NKAIN2: variants seen among roughly 807,000 people sequenced by gnomAD.
NKAIN2 encodes the protein sodium/potassium transporting ATPase interacting 2.
NKAIN2 carries 14 observed loss-of-function variants against 32.6 expected under a neutral mutation model. That is an observed-to-expected ratio of 0.43 (90% CI 0.28 to 0.67). The LOEUF is 0.67. NKAIN2 is among the 30% of genes least tolerant of loss of function. The pLI, the probability that NKAIN2 is intolerant of heterozygous loss-of-function variation, is 0.17. For missense variants in NKAIN2, 198 were observed against 258.3 expected, an observed-to-expected ratio of 0.77 and a Z score of 1.60; for synonymous variants, 80 against 87.2, an observed-to-expected ratio of 0.92 and a Z score of 0.46.
At chr6:123,827,893 C>CTA (rs1336644785) in intron 1 of NKAIN2, among the ~76,000 whole-genome samples, 131 of 151,050 alleles carry the variant, frequency 8.7e-4, no homozygotes, top group African/African-American at 2.3e-3. Context: ...CTCTCTCTCT[C>CTA]TCTATATATA....
intron 3 of NKAIN2, among the ~76,000 whole-genome samples, chr6:124,502,092 A>G (rs1047792813): frequency 6.6e-6 from 1 of 152,094 alleles, no homozygotes; most frequent in African/African-American, 2.4e-5. Flanking sequence ...TGACAGAGCA[A>G]GACTGTCTCA....
chr6:123,872,533 C>T (rs1304439956), intron 1 of NKAIN2, among the ~76,000 whole-genome samples: 3 of 152,190 alleles, frequency 2.0e-5, no homozygotes, highest in Non-Finnish European at 4.4e-5. Context: ...ACAGCAGGTA[C>T]TGGTGTTCAT....
At chr6:124,685,646 T>C (rs1196209901) in intron 4 of NKAIN2, among the ~76,000 whole-genome samples, 3 of 152,148 alleles carry the variant, frequency 2.0e-5, no homozygotes, top group Non-Finnish European at 4.4e-5. Flanking sequence ...TAAGAACCCT[T>C]CATCTAGATC....
chr6:124,708,429 G>A (rs1456043345), intron 4 of NKAIN2, among the ~76,000 whole-genome samples: 1 of 151,824 alleles, frequency 6.6e-6, no homozygotes, highest in Non-Finnish European at 1.5e-5. Flanking sequence ...AAATTACCTT[G>A]GGCAGTATGG....
At chr6:124,218,068 G>A (rs1791582794) in intron 1 of NKAIN2, among the ~76,000 whole-genome samples, 1 of 151,716 alleles carries the variant, frequency 6.6e-6, no homozygotes, top group Non-Finnish European at 1.5e-5. Context: ...CTAGTAAAAG[G>A]CCGTATGGCA....
At chr6:124,007,747 A>G (rs931360988) in intron 1 of NKAIN2, among the ~76,000 whole-genome samples, 8 of 152,200 alleles carry the variant, frequency 5.3e-5, no homozygotes, top group African/African-American at 1.9e-4. Context: ...TGATTTCGCC[A>G]ATAAAATATG....
At chr6:124,189,751 C>T (rs1442716776) in intron 1 of NKAIN2, among the ~76,000 whole-genome samples, 1 of 152,068 alleles carries the variant, frequency 6.6e-6, no homozygotes, top group African/African-American at 2.4e-5. Context: ...TTAATAATGG[C>T]ACAATGCCAG....
chr6:124,654,161 T>C (rs1339886807), intron 3 of NKAIN2, among the ~76,000 whole-genome samples: 2 of 152,068 alleles, frequency 1.3e-5, no homozygotes, highest in Non-Finnish European at 2.9e-5. Flanking sequence ...AAAACAAAAG[T>C]AAATACTTAA....
chr6:124,471,970 T>C (rs1776993073), intron 3 of NKAIN2, among the ~76,000 whole-genome samples: 1 of 151,220 alleles, frequency 6.6e-6, no homozygotes, highest in African/African-American at 2.4e-5. Flanking sequence ...AATGAGCAAA[T>C]AGTTATTAAA....
At chr6:123,868,991 G>T (rs184368474) in intron 1 of NKAIN2, among the ~76,000 whole-genome samples, 25 of 152,272 alleles carry the variant, frequency 1.6e-4, no homozygotes, top group African/African-American at 5.5e-4. Context: ...GAATTTTCAT[G>T]TCCCAAATAA....
chr6:124,336,499 A>T (rs1314071482), intron 2 of NKAIN2, among the ~76,000 whole-genome samples: 2 of 152,160 alleles, frequency 1.3e-5, no homozygotes, highest in Non-Finnish European at 2.9e-5. Flanking sequence ...TTTGAAAGAA[A>T]ATCCCAGAAG....
At chr6:124,729,905 T>C (rs1252302254) in intron 4 of NKAIN2, among the ~76,000 whole-genome samples, 1 of 150,868 alleles carries the variant, frequency 6.6e-6, no homozygotes, top group Non-Finnish European at 1.5e-5. Context: ...AGCATTCTTA[T>C]ACACCAGCAA....
intron 1 of NKAIN2, among the ~76,000 whole-genome samples, chr6:124,192,403 A>G (rs1562413225): frequency 6.6e-6 from 1 of 152,184 alleles, no homozygotes; most frequent in Non-Finnish European, 1.5e-5. Context: ...GTTTTTCTAA[A>G]TACTTTACTG....
rs534308274 is a variant in NKAIN2 at position 124,410,725 on chromosome 6, A to G, written c.273+55378A>G. On this transcript the variant is annotated intron_variant, in intron 3 of 6. Coordinates refer to ENST00000368417, the MANE Select transcript of NKAIN2 (RefSeq NM_001040214.3). Reference sequence around the variant, plus strand: ...TGTCTATTAGGTCCGCTTGGTGCAGAGCTGAGTTCAATTCCTGGATATCCT... The same window carrying G: ...TGTCTATTAGGTCCGCTTGGTGCAGGGCTGAGTTCAATTCCTGGATATCCT... Among the ~76,000 whole-genome samples, 54 of 152,246 alleles carry G rather than the reference A, an allele frequency of 3.5e-4. 2 individuals are homozygous for G. The highest frequency in any genetic ancestry group is 3.4e-3 in the Middle Eastern group (1 of 294).
intron 2 of NKAIN2, among the ~76,000 whole-genome samples, chr6:124,316,021 A>G (rs1796935103): frequency 6.6e-6 from 1 of 152,114 alleles, no homozygotes; most frequent in Non-Finnish European, 1.5e-5. Context: ...GATTTGGTTC[A>G]TGAGTAAAAA....
At chr6:124,509,476 G>T (rs1356915458) in intron 3 of NKAIN2, among the ~76,000 whole-genome samples, 1 of 152,198 alleles carries the variant, frequency 6.6e-6, no homozygotes, top group Non-Finnish European at 1.5e-5. Context: ...TTGGGCTAAT[G>T]TAAATTATTT....
intron 3 of NKAIN2, among the ~76,000 whole-genome samples, chr6:124,643,287 A>C (rs699384): frequency 0.012 from 1,777 of 152,064 alleles, 17 homozygotes; most frequent in Middle Eastern, 0.037. Flanking sequence ...ATCCCATCTC[A>C]TAAGTATAAG....
intron 2 of NKAIN2, among the ~76,000 whole-genome samples, chr6:124,337,483 G>T (rs1045229627): frequency 3.2e-4 from 48 of 152,202 alleles, no homozygotes; most frequent in African/African-American, 1.1e-3. Flanking sequence ...CTCCAGCCTG[G>T]GTAAGGGAGT....
At chr6:124,203,322 C>T (rs1582841267) in intron 1 of NKAIN2, among the ~76,000 whole-genome samples, 1 of 151,644 alleles carries the variant, frequency 6.6e-6, no homozygotes, top group South Asian at 2.1e-4. Flanking sequence ...TTACATATTG[C>T]CTAATGGAAT....
Sources: allele counts gnomAD v4.1 joint callset (sites outside exome capture counted in the v4.1 genomes callset), GRCh38; gene constraint gnomAD v4.1.1; transcripts MANE v1.5; gene names NCBI Gene and HGNC (gene_info 2026-07-23, HGNC 2026-07-21).